Variants in ADAMTS12 observed in about 807,000 individuals in gnomAD.
ADAMTS12 encodes the protein ADAM metallopeptidase with thrombospondin type 1 motif 12.
ADAMTS12 carries 118 observed loss-of-function variants against 167.8 expected under a neutral mutation model. The observed-to-expected ratio is 0.70, with a 90% CI of 0.61 to 0.82. The LOEUF (loss-of-function observed/expected upper bound fraction) is 0.82, where lower values mean the gene tolerates loss of function less well. ADAMTS12 is among the 40% of genes least tolerant of loss of function. The pLI, the probability that ADAMTS12 is intolerant of heterozygous loss-of-function variation, is 0.00. For missense variants in ADAMTS12, 1,916 were observed against 1,998.8 expected (o/e 0.96, Z 0.79); for synonymous variants, 704 against 716.9 (o/e 0.98, Z 0.29).
chr5:33,860,535 T>A (rs1450189666), intron 2 of ADAMTS12, among the ~76,000 whole-genome samples: 1 of 152,186 alleles, frequency 6.6e-6, no homozygotes, highest in Admixed American at 6.5e-5. Context: ...AACCTGTGTT[T>A]GATTGGTGTA....
chr5:33,832,541 T>C (rs1748339441), intron 2 of ADAMTS12, among the ~76,000 whole-genome samples: 1 of 152,216 alleles, frequency 6.6e-6, no homozygotes, highest in Admixed American at 6.5e-5. Flanking sequence ...CGAGTTCCAT[T>C]CAACAAATGT....
chr5:33,601,974 G>A (rs1037416612), intron 16 of ADAMTS12, among the ~76,000 whole-genome samples: 4 of 151,530 alleles, frequency 2.6e-5, no homozygotes, highest in African/African-American at 7.3e-5. Flanking sequence ...GAGTATTCCT[G>A]CCTGATTATG....
chr5:33,876,461 C>T lies in ADAMTS12; in HGVS notation c.489+4658G>A, dbSNP rs558941171. ...AAAACCTAAAACTCAGATATAGACT[C>T]GCAAAAATACATCCAGCTAATTTTT... On this transcript the variant is annotated intron_variant, in intron 2 of 23. Coordinates refer to ENST00000504830, the MANE Select transcript of ADAMTS12 (RefSeq NM_030955.4). 6.6e-5 allele frequency among the ~76,000 whole-genome samples: 10 copies of T among 152,200 alleles called. No homozygotes were observed. The South Asian group carries it at 1.9e-3, about 28-fold the overall frequency.
At chr5:33,599,498 G>C (rs1311320597) in intron 16 of ADAMTS12, among the ~76,000 whole-genome samples, 2 of 149,618 alleles carry the variant, frequency 1.3e-5, no homozygotes, top group Non-Finnish European at 3.0e-5. Flanking sequence ...GGCTTCCCAT[G>C]AGATTTGGGA....
intron 13 of ADAMTS12, among the ~76,000 whole-genome samples, chr5:33,630,353 T>C (rs1232643355): frequency 6.6e-6 from 1 of 152,214 alleles, no homozygotes; most frequent in Non-Finnish European, 1.5e-5. Flanking sequence ...TTGTAACTAT[T>C]GTCATGCCGT....
intron 2 of ADAMTS12, among the ~76,000 whole-genome samples, chr5:33,764,980 A>G (rs1360752325): frequency 1.3e-5 from 2 of 152,168 alleles, no homozygotes; most frequent in African/African-American, 4.8e-5. Flanking sequence ...CCAACCCACT[A>G]CAAACAGTCC....
intron 19 of ADAMTS12, among the ~76,000 whole-genome samples, chr5:33,564,679 T>A (rs964916939): frequency 6.6e-6 from 1 of 152,158 alleles, no homozygotes; most frequent in Non-Finnish European, 1.5e-5. Context: ...TTGGGCACCA[T>A]TGGCATTTGG....
chr5:33,670,464 G>C (rs574897935), intron 5 of ADAMTS12, among the ~76,000 whole-genome samples: 1 of 152,158 alleles, frequency 6.6e-6, no homozygotes, highest in South Asian at 2.1e-4. Context: ...ATAGGTGGCC[G>C]GGCGCGGTGT....
chr5:33,883,763 A>T (rs10064370), intron 1 of ADAMTS12, among the ~76,000 whole-genome samples: 1 of 152,150 alleles, frequency 6.6e-6, no homozygotes, highest in African/African-American at 2.4e-5. Context: ...TAACAAAAAA[A>T]GCTTTTTCGC....
At chr5:33,886,624 CTT>C (rs1468204246) in intron 1 of ADAMTS12, among the ~76,000 whole-genome samples, 1 of 152,188 alleles carries the variant, frequency 6.6e-6, no homozygotes, top group Non-Finnish European at 1.5e-5. Flanking sequence ...TGCTTCACCT[CTT>C]TACACCTCAA....
At chr5:33,804,728 A>C (rs1420337334) in intron 2 of ADAMTS12, among the ~76,000 whole-genome samples, 1 of 152,256 alleles carries the variant, frequency 6.6e-6, no homozygotes, top group Non-Finnish European at 1.5e-5. Flanking sequence ...AGCCTAAGGC[A>C]GTGAGGTGGG....
rs754489834 is a variant in ADAMTS12, at chr5:33,771,275, T to TA, written c.490-19728dup. 5.8e-4 allele frequency among the ~76,000 whole-genome samples: 88 copies of TA among 152,266 alleles called. 1 individual carries two copies. Among genetic ancestry groups the TA allele is most frequent in the Non-Finnish European group, 7.9e-4 (54 of 68,014 alleles). Reference sequence around the variant, plus strand: ...AGATCTTTATTCCTTTAGCTTAAAGTAAAAAAGGAATCTGTCCCCTGAAAA... The same window carrying TA: ...AGATCTTTATTCCTTTAGCTTAAAGTAAAAAAAGGAATCTGTCCCCTGAAAA... On this transcript the variant is annotated intron_variant, in intron 2 of 23. Coordinates refer to ENST00000504830, the MANE Select transcript of ADAMTS12 (RefSeq NM_030955.4).
intron 2 of ADAMTS12, among the ~76,000 whole-genome samples, chr5:33,810,275 A>G (rs1747405756): frequency 2.0e-5 from 3 of 152,176 alleles, no homozygotes. Context: ...TTTCAAGAGG[A>G]TTTTTGAGAT....
chr5:33,823,160 C>T (rs1388023150), intron 2 of ADAMTS12, among the ~76,000 whole-genome samples: 1 of 151,768 alleles, frequency 6.6e-6, no homozygotes, highest in African/African-American at 2.4e-5. Flanking sequence ...TTGGACTGCC[C>T]ATAATATTGA....
In ADAMTS12 at chr5:33,649,641, G is replaced by C; in HGVS notation, c.1247C>G (p.Pro416Arg). ...ENDCEPVGRH[P>R]YIMSRQLQYD... Reference sequence around the variant, plus strand: ...CTGGAGCTGGCGGGACATGATGTACGGATGTCTGCCCACAGGCTCACAGTC... The same window carrying C: ...CTGGAGCTGGCGGGACATGATGTACCGATGTCTGCCCACAGGCTCACAGTC... The change falls in exon 8 of 24, where the codon CCG (proline) becomes CGG (arginine). Residue 416 changes from proline (P) to arginine (R), a missense_variant. Coordinates refer to ENST00000504830, the MANE Select transcript of ADAMTS12 (RefSeq NM_030955.4). The C allele has an allele frequency of 3.7e-6, 6 of 1,614,056 alleles. No individual in the cohort carries two copies. Among genetic ancestry groups the C allele is most frequent in the Non-Finnish European group, 5.1e-6 (6 of 1,179,934 alleles).
intron 2 of ADAMTS12, among the ~76,000 whole-genome samples, chr5:33,820,307 T>TA (rs35135568): frequency 6.6e-6 from 1 of 152,184 alleles, no homozygotes; most frequent in African/African-American, 2.4e-5. Flanking sequence ...AAATTAAACA[T>TA]AAAGCAAACT....
At chr5:33,785,068 G>T (rs1746278779) in intron 2 of ADAMTS12, among the ~76,000 whole-genome samples, 1 of 152,046 alleles carries the variant, frequency 6.6e-6, no homozygotes, top group African/African-American at 2.4e-5. Flanking sequence ...TTTAATGATG[G>T]AAGGGCAGGA....
intron 22 of ADAMTS12, among the ~76,000 whole-genome samples, chr5:33,542,945 T>C (rs747090230): frequency 2.6e-5 from 4 of 151,834 alleles, no homozygotes; most frequent in Non-Finnish European, 5.9e-5. Flanking sequence ...AACATCACAA[T>C]TAAAAGAACT....
chr5:33,773,788 T>C (rs1251044931), intron 2 of ADAMTS12, among the ~76,000 whole-genome samples: 1 of 152,198 alleles, frequency 6.6e-6, no homozygotes, highest in Non-Finnish European at 1.5e-5. Flanking sequence ...ATAGACTTTT[T>C]TTGCATACAT....
Sources: allele counts gnomAD v4.1 joint callset (sites outside exome capture counted in the v4.1 genomes callset), GRCh38; gene constraint gnomAD v4.1.1; transcripts MANE v1.5; gene names NCBI Gene and HGNC (gene_info 2026-07-23, HGNC 2026-07-21).